PCMT1: variants seen among roughly 807,000 people sequenced by gnomAD.
PCMT1 encodes protein-L-isoaspartate (D-aspartate) O-methyltransferase.
A neutral mutation model predicts 29.2 loss-of-function variants in PCMT1; 9 were observed. The observed-to-expected ratio is 0.31, with a 90% CI of 0.19 to 0.54. PCMT1 has a LOEUF of 0.54. Among genes scored for constraint, PCMT1 ranks in the 20% least tolerant of loss-of-function variants. PCMT1 has a pLI of 0.95. For missense variants in PCMT1, 184 were observed against 282.2 expected (o/e 0.65, Z 2.49); for synonymous variants, 98 against 97.5 (o/e 1.00, Z -0.03).
chr6:149,771,945 G>A, intron 2 of PCMT1: 2 of 455,018 alleles, frequency 4.4e-6, no homozygotes, highest in South Asian at 3.1e-5. Context: ...ATTTAAATAA[G>A]TGTGCTTAAG....
At chr6:149,779,237 C>G (rs1344895158) in intron 3 of PCMT1, among the ~76,000 whole-genome samples, 1 of 133,884 alleles carries the variant, frequency 7.5e-6, no homozygotes, top group East Asian at 2.6e-4. Context: ...CATGTATTCC[C>G]AAGGATGTAA....
chr6:149,773,058 A>G lies in PCMT1; in HGVS notation c.161-80A>G, dbSNP rs1434428441. On this transcript the variant is annotated intron_variant, in intron 2 of 7. Coordinates refer to ENST00000464889, the MANE Select transcript of PCMT1 (RefSeq NM_001360452.2). ...AAAGAATTATTGTGAAAAATAACGT[A>G]TGGATGGTAGAAAAGAAATTATGTG... 4 of 933,204 alleles carry G rather than the reference A, an allele frequency of 4.3e-6. No homozygotes were observed. The Admixed American group carries it at 8.6e-5, about 20-fold the overall frequency. 57.8% of individuals were successfully genotyped at this position (933,204 alleles called of 1,614,324 possible). A position where few individuals can be genotyped will look rare whatever the true frequency, so the allele number is the denominator to read the frequency against.
rs1030852140 is a variant in PCMT1, at chr6:149,803,887, C to G, written c.*37+1471C>G. On this transcript the variant is annotated intron_variant, in intron 7 of 7. Coordinates refer to ENST00000464889, the MANE Select transcript of PCMT1 (RefSeq NM_001360452.2). ...TCTTAAGTCAGGAGTTTGAGACCAGCCTGGCCAACATGGTGAAACCCTGTC... is the reference window on the plus strand; with the variant it reads ...TCTTAAGTCAGGAGTTTGAGACCAGGCTGGCCAACATGGTGAAACCCTGTC... Among the ~76,000 whole-genome samples the G allele has an allele frequency of 5.3e-5, 8 of 150,776 alleles. No homozygotes were observed. The South Asian group carries it at 8.3e-4, about 16-fold the overall frequency.
At chr6:149,795,539 G>C (rs990697514) in intron 5 of PCMT1, 2 of 481,772 alleles carry the variant, frequency 4.2e-6, no homozygotes, top group Admixed American at 5.6e-5. Context: ...CAGGATGTTT[G>C]TTTGGATCTG....
At chr6:149,779,352 G>T (rs1787716724) in intron 3 of PCMT1, among the ~76,000 whole-genome samples, 1 of 152,074 alleles carries the variant, frequency 6.6e-6, no homozygotes. Flanking sequence ...GCCACAAACT[G>T]CTTAAAAGGT....
At chr6:149,790,191 A>G (rs923375004) in intron 4 of PCMT1, 133 bp downstream of exon 4, 2 of 609,488 alleles carry the variant, frequency 3.3e-6, no homozygotes, top group Non-Finnish European at 5.7e-6. Context: ...AATGAGCATC[A>G]CTTAGGATTT....
intron 6 of PCMT1, chr6:149,797,989 A>G (rs1788682871): frequency 6.6e-6 from 1 of 152,052 alleles, no homozygotes; most frequent in Non-Finnish European, 1.5e-5. Flanking sequence ...AACATGGCAA[A>G]ACTCCATCTC....
At chr6:149,754,105 C>T (rs1427166687) in intron 1 of PCMT1, among the ~76,000 whole-genome samples, 3 of 152,168 alleles carry the variant, frequency 2.0e-5, no homozygotes. Flanking sequence ...AGCAGTCTTG[C>T]CCTATAGAGT....
Position 149,804,521 on chromosome 6 carries a change from G to GT in PCMT1, c.*37+2113dup, listed in dbSNP as rs34575009. ...TTAATTTAATTTAATTTAAAAAAGT[G>GT]TTTTTTTTGAGACGGAGTCCTGCTC... On this transcript the variant is annotated intron_variant, in intron 7 of 7. Coordinates refer to ENST00000464889, the MANE Select transcript of PCMT1 (RefSeq NM_001360452.2). Among the ~76,000 whole-genome samples, 345 of 151,634 alleles carry GT rather than the reference G, an allele frequency of 2.3e-3. 2 individuals carry two copies. Among genetic ancestry groups the GT allele is most frequent in the East Asian group, 0.012 (62 of 5,170 alleles).
At chr6:149,774,275 T>C (rs1229846364) in intron 3 of PCMT1, among the ~76,000 whole-genome samples, 1 of 151,918 alleles carries the variant, frequency 6.6e-6, no homozygotes, top group African/African-American at 2.4e-5. Context: ...AGTCTCACAC[T>C]GTTGCCCAGG....
chr6:149,772,398 GT>G (rs1031177410), intron 2 of PCMT1, among the ~76,000 whole-genome samples: 2 of 151,504 alleles, frequency 1.3e-5, no homozygotes, highest in Admixed American at 6.6e-5. Flanking sequence ...AGTTATTCTA[GT>G]TTTTTTTTAA....
At chr6:149,807,881 C>G (rs1455567540) in intron 7 of PCMT1, among the ~76,000 whole-genome samples, 1 of 152,186 alleles carries the variant, frequency 6.6e-6, no homozygotes, top group Non-Finnish European at 1.5e-5. Context: ...ATCCCGTGTT[C>G]CATATTCTAT....
chr6:149,800,088 A>C (rs750844209), intron 6 of PCMT1, among the ~76,000 whole-genome samples: 2 of 152,158 alleles, frequency 1.3e-5, no homozygotes, highest in Non-Finnish European at 2.9e-5. Flanking sequence ...ATAAGCCTTG[A>C]AATTGAGAAA....
intron 2 of PCMT1, chr6:149,772,331 G>A (rs1012893375): frequency 9.1e-6 from 3 of 329,138 alleles, no homozygotes; most frequent in Non-Finnish European, 1.8e-5. Flanking sequence ...ATTAACATTA[G>A]ATGATAAGAT....
At chr6:149,771,395 A>C (rs1787315604) in intron 2 of PCMT1, 129 bp downstream of exon 2, 11 of 521,098 alleles carry the variant, frequency 2.1e-5, no homozygotes, top group Middle Eastern at 4.9e-4. Context: ...ATGACTCAGC[A>C]AGTTTCATAA....
intron 7 of PCMT1, among the ~76,000 whole-genome samples, chr6:149,809,258 C>CAAAAAAAAAAA (rs1209712068): frequency 6.4e-5 from 3 of 47,088 alleles, no homozygotes; most frequent in East Asian, 6.7e-4. Flanking sequence ...GACTCTGTCT[C>CAAAAAAAAAAA]AAAAAAAAAA....
Position 149,765,359 on chromosome 6 carries a change from C to CAAAAAA in PCMT1, c.56-5788_56-5783dup, listed in dbSNP as rs745563333. On this transcript the variant is annotated intron_variant, in intron 1 of 7. Transcript: ENST00000464889. ...TGGGAGACAGAGCGAGACTCTGTCT[C>CAAAAAA]AAAAAAAAAAAAAAAAAAAATTAAA... Among the ~76,000 whole-genome samples the CAAAAAA allele has an allele frequency of 8.7e-4, 74 of 85,488 alleles. 1 individual carries two copies. Among genetic ancestry groups the CAAAAAA allele is most frequent in the East Asian group, 2.3e-3 (7 of 3,092 alleles). 56.1% of individuals were successfully genotyped at this position (85,488 alleles called of 152,430 possible).
At chr6:149,808,784 A>C (rs943128645) in intron 7 of PCMT1, among the ~76,000 whole-genome samples, 22 of 151,706 alleles carry the variant, frequency 1.5e-4, no homozygotes, top group Admixed American at 3.9e-4. Context: ...TTACAGGTGC[A>C]TGCCACCACA....
At chr6:149,790,686 G>T (rs1788329871) in intron 4 of PCMT1, among the ~76,000 whole-genome samples, 1 of 152,000 alleles carries the variant, frequency 6.6e-6, no homozygotes, top group African/African-American at 2.4e-5. Context: ...AGGCCCAGAA[G>T]GGGAGAAGGA....
Sources: allele counts gnomAD v4.1 joint callset (sites outside exome capture counted in the v4.1 genomes callset), GRCh38; gene constraint gnomAD v4.1.1; transcripts MANE v1.5; gene names NCBI Gene and HGNC (gene_info 2026-07-23, HGNC 2026-07-21).